The following MLXIPL variants were observed in gnomAD, a reference collection of about 807,000 sequenced individuals.
MLXIPL encodes the protein carbohydrate-responsive element-binding protein.
MLXIPL carries 49 observed loss-of-function variants against 81.5 expected under a neutral mutation model. The ratio of observed to expected loss-of-function variants is 0.60; its 90% CI spans 0.48 to 0.76. MLXIPL has a LOEUF of 0.76. Among genes scored for constraint, MLXIPL ranks in the 30% least tolerant of loss-of-function variants. MLXIPL has a pLI of 0.00. For missense variants in MLXIPL, 1,053 were observed against 1,167.0 expected, an observed-to-expected ratio of 0.90 and a Z score of 1.42; for synonymous variants, 466 against 485.5, an observed-to-expected ratio of 0.96 and a Z score of 0.53.
At chr7:73,618,728 TG>T (rs1563509998) in intron 1 of MLXIPL, among the ~76,000 whole-genome samples, 1 of 93,218 alleles carries the variant, frequency 1.1e-5, no homozygotes, top group Admixed American at 1.3e-4. Flanking sequence ...GAGGTGGGGG[TG>T]GGGGGAGACT....
intron 2 of MLXIPL, 80 bp downstream of exon 2, chr7:73,615,991 G>T: frequency 8.6e-7 from 1 of 1,162,270 alleles, no homozygotes; most frequent in African/African-American, 1.5e-5. Context: ...TTCCTGGGCA[G>T]CCACCATGTA....
At chr7:73,607,114 C>T in intron 4 of MLXIPL, 96 bp from the exon 5 acceptor site, 1 of 1,492,630 alleles carries the variant, frequency 6.7e-7, no homozygotes, top group Non-Finnish European at 9.2e-7. Context: ...ATGAGATCCC[C>T]CATTTCCCAT....
At chr7:73,594,243 C>G in intron 16 of MLXIPL, 31 bp downstream of exon 16, 1 of 1,610,298 alleles carries the variant, frequency 6.2e-7, no homozygotes, top group Non-Finnish European at 8.5e-7. Context: ...AGGCTGGGTC[C>G]CTCTAGCAGG....
intron 8 of MLXIPL, 57 bp from the exon 9 acceptor site, chr7:73,597,770 G>A: frequency 8.0e-7 from 1 of 1,254,758 alleles, no homozygotes; most frequent in Non-Finnish European, 1.0e-6. Context: ...GCCCCTGGCA[G>A]CCATCTGGGC....
At chr7:73,604,375 C>G (rs1262022419) in intron 7 of MLXIPL, among the ~76,000 whole-genome samples, 1 of 151,208 alleles carries the variant, frequency 6.6e-6, no homozygotes, top group Non-Finnish European at 1.5e-5. Context: ...AGTTCTAGAC[C>G]AGCCTGGGCA....
rs200967567 is a variant in MLXIPL at position 73,597,222 on chromosome 7, C to T, written c.1563G>A (p.Ala521=). The change falls in exon 9 of 17, where the codon GCG becomes GCA. Residue 521 remains alanine, a synonymous_variant. Transcript: ENST00000313375. ...APATASPPTT[A]GSNNPCLTQL... is the part of the protein sequence containing the mutation. ...GTGTGAGGCAGGGGTTGTTGCTCCC[C>T]GCAGTGGTGGGGGGACTGGCAGTGG... is the stretch of plus-strand genomic sequence containing the variant. 1,024 of 1,604,844 alleles carry T rather than the reference C, an allele frequency of 6.4e-4. 1 individual carries two copies. The African/African-American group carries it at 0.01, about 16-fold the overall frequency.
At chr7:73,647,571 G>A in the MLXIPL span, among the ~76,000 whole-genome samples, 1 of 152,196 alleles carries the variant, frequency 6.6e-6, no homozygotes, top group Non-Finnish European at 1.5e-5. Context: ...CCTCCCTGGG[G>A]TACGAGTTTG....
chr7:73,594,472 C>T (rs1794109246), intron 15 of MLXIPL, 69 bp from the exon 16 acceptor site: 2 of 1,587,974 alleles, frequency 1.3e-6, no homozygotes, highest in African/African-American at 2.7e-5. Context: ...CCCTGATGCC[C>T]AGTTCAAACC....
Position 73,593,679 on chromosome 7 carries a change from G to A in MLXIPL, c.*186C>T. ...GGAGCACAGTGGCAGAGCAGGGACGGGGACTCTGCTCTTCTTGACCTCCAG... is the reference window on the plus strand; with the variant it reads ...GGAGCACAGTGGCAGAGCAGGGACGAGGACTCTGCTCTTCTTGACCTCCAG... On this transcript the variant is annotated 3_prime_UTR_variant, in exon 17 of 17. Transcript: ENST00000313375. 1 of 612,652 alleles carries A rather than the reference G, an allele frequency of 1.6e-6. No individual in the cohort carries two copies. The highest frequency in any genetic ancestry group is 2.5e-5 in the Admixed American group (1 of 40,642). 38.0% of individuals were successfully genotyped at this position (612,652 alleles called of 1,614,324 possible). A position where few individuals can be genotyped will look rare whatever the true frequency, so the allele number is the denominator to read the frequency against.
chr7:73,646,939 T>C, the MLXIPL span, among the ~76,000 whole-genome samples: 24 of 152,070 alleles, frequency 1.6e-4, no homozygotes, highest in African/African-American at 5.6e-4. Context: ...AGGGACTTGG[T>C]TGGAGTGGGC....
the MLXIPL span, among the ~76,000 whole-genome samples, chr7:73,636,269 A>G: frequency 0.37 from 56,315 of 151,636 alleles, 11,050 homozygotes; most frequent in African/African-American, 0.5. Context: ...AATTAGCCGG[A>G]TCCGGTGGTT....
chr7:73,634,653 C>T, the MLXIPL span, among the ~76,000 whole-genome samples: 2 of 151,884 alleles, frequency 1.3e-5, no homozygotes, highest in African/African-American at 4.8e-5. Flanking sequence ...CCTCGGCCTC[C>T]CAAAGTGCCG....
chr7:73,625,545 C>A (rs1554603611), upstream of MLXIPL, among the ~76,000 whole-genome samples: 1 of 152,038 alleles, frequency 6.6e-6, no homozygotes, highest in Non-Finnish European at 1.5e-5. Flanking sequence ...TCACTTGAGG[C>A]CAGGAGTTCG....
At position 73,623,425 on chromosome 7, in the gene MLXIPL, C is replaced by T. The variant is rs1554602744; in HGVS notation, c.293+775G>A. 1.3e-5 allele frequency among the ~76,000 whole-genome samples: 2 copies of T among 151,846 alleles called. No individual in the cohort carries two copies. The highest frequency in any genetic ancestry group is 2.4e-5 in the African/African-American group (1 of 41,330). On this transcript the variant is annotated intron_variant, in intron 1 of 16. Transcript: ENST00000313375. This position sits in a 1 kb window ranked among gnomAD's most constrained non-coding sequence, Gnocchi z 5.7. ...TCGCGCCCTCCTCTGGGACGCGGGG[C>T]GTGGAGCGGCAGCGGGGCGCGGCCT...
chr7:73,634,805 T>TTTTTTATTATTATTATTATTATTATTA, the MLXIPL span, among the ~76,000 whole-genome samples: 5 of 147,022 alleles, frequency 3.4e-5, no homozygotes, highest in African/African-American at 1.3e-4. Context: ...TCTATATGTA[T>TTTTTTATTATTATTATTATTATTATTA]TTATTATTAT....
the MLXIPL span, among the ~76,000 whole-genome samples, chr7:73,647,667 G>T: frequency 6.6e-6 from 1 of 152,140 alleles, no homozygotes; most frequent in Non-Finnish European, 1.5e-5. Flanking sequence ...AGAGACGCGC[G>T]CCTCTATGGG....
chr7:73,619,959 C>T (rs1409848328), intron 1 of MLXIPL, among the ~76,000 whole-genome samples: 1 of 151,934 alleles, frequency 6.6e-6, no homozygotes, highest in East Asian at 1.9e-4. Flanking sequence ...CAAAACAAAA[C>T]AAAAACTTGT....
the MLXIPL span, among the ~76,000 whole-genome samples, chr7:73,637,117 A>T: frequency 2.0e-5 from 3 of 151,780 alleles, no homozygotes; most frequent in Non-Finnish European, 4.4e-5. Context: ...CTTCACTTCA[A>T]TTTTTCTAGT....
intron 9 of MLXIPL, 61 bp downstream of exon 9, chr7:73,597,119 CCT>C: frequency 2.6e-6 from 4 of 1,519,130 alleles, no homozygotes; most frequent in Non-Finnish European, 3.6e-6. Flanking sequence ...CCCAAAACCC[CCT>C]GTCCTCCCCA....
Sources: allele counts gnomAD v4.1 joint callset (sites outside exome capture counted in the v4.1 genomes callset), GRCh38; gene constraint gnomAD v4.1.1; non-coding constraint Gnocchi (gnomAD v3.1); transcripts MANE v1.5; gene names NCBI Gene and HGNC (gene_info 2026-07-23, HGNC 2026-07-21).